The following DOCK1 variants were observed in gnomAD, a reference collection of about 807,000 sequenced individuals.
DOCK1 encodes the protein dedicator of cytokinesis 1.
DOCK1 carries 138 observed loss-of-function variants against 262.7 expected under a neutral mutation model. The ratio of observed to expected loss-of-function variants is 0.53; its 90% CI spans 0.46 to 0.61. The LOEUF (loss-of-function observed/expected upper bound fraction) is 0.61, where lower values mean the gene tolerates loss of function less well. Ranked by LOEUF, DOCK1 falls within the 20% of genes least tolerant of loss-of-function variation. The pLI is 0.00. For synonymous variants in DOCK1, 866 were observed against 867.4 expected, an observed-to-expected ratio of 1.00 and a Z score of 0.03; for missense variants, 1,908 against 2,370.7, an observed-to-expected ratio of 0.80 and a Z score of 4.05.
chr10:127,134,866 G>T (rs565735086), intron 27 of DOCK1, among the ~76,000 whole-genome samples: 1 of 152,090 alleles, frequency 6.6e-6, no homozygotes, highest in South Asian at 2.1e-4. Context: ...CTCCTAGGCC[G>T]TCCAGGTGAG....
At chr10:127,140,664 C>G (rs915507889) in intron 27 of DOCK1, among the ~76,000 whole-genome samples, 1 of 137,936 alleles carries the variant, frequency 7.2e-6, no homozygotes, top group African/African-American at 3.6e-5. Flanking sequence ...TTTGACACAC[C>G]GAGTCTCTGG....
intron 23 of DOCK1, among the ~76,000 whole-genome samples, chr10:127,089,325 GGC>G (rs2047378905): frequency 6.6e-6 from 1 of 152,008 alleles, no homozygotes; most frequent in Non-Finnish European, 1.5e-5. Flanking sequence ...TCTTTCCCAT[GGC>G]CACTCCCTGG....
At chr10:127,038,016 C>G (rs182071326) in intron 19 of DOCK1, among the ~76,000 whole-genome samples, 200 bp downstream of exon 19, 5 of 151,964 alleles carry the variant, frequency 3.3e-5, no homozygotes, top group South Asian at 4.2e-4. Flanking sequence ...GGTGGATCAC[C>G]TGAGGTCAGG....
At chr10:126,944,166 A>G (rs2035222517) in intron 1 of DOCK1, among the ~76,000 whole-genome samples, 1 of 150,302 alleles carries the variant, frequency 6.7e-6, no homozygotes, top group Non-Finnish European at 1.5e-5. Flanking sequence ...TGAGAATATT[A>G]GGAGGATAAG....
intron 24 of DOCK1, among the ~76,000 whole-genome samples, chr10:127,108,658 C>T (rs2048686051): frequency 6.6e-6 from 1 of 152,190 alleles, no homozygotes; most frequent in Non-Finnish European, 1.5e-5. Flanking sequence ...CTCTCCCATG[C>T]CACGAGGGCA....
chr10:127,199,013 C>A (rs549372702), intron 27 of DOCK1, among the ~76,000 whole-genome samples: 14 of 150,582 alleles, frequency 9.3e-5, no homozygotes, highest in African/African-American at 3.4e-4. Context: ...GGGATGTAGG[C>A]ATATTTTTAG....
chr10:127,134,187 T>G (rs2050504150), intron 27 of DOCK1, among the ~76,000 whole-genome samples: 1 of 152,186 alleles, frequency 6.6e-6, no homozygotes. Flanking sequence ...TCTTCACAGT[T>G]TTAATTAAGA....
chr10:127,407,924 C>T (rs1171116649), intron 40 of DOCK1, among the ~76,000 whole-genome samples: 2 of 152,092 alleles, frequency 1.3e-5, no homozygotes, highest in African/African-American at 2.4e-5. Flanking sequence ...GTTGAGACAG[C>T]CCCAGATGGG....
At chr10:127,201,362 C>G (rs1408117393) in intron 27 of DOCK1, among the ~76,000 whole-genome samples, 1 of 152,174 alleles carries the variant, frequency 6.6e-6, no homozygotes, top group Non-Finnish European at 1.5e-5. Flanking sequence ...GGAACCAGAG[C>G]TGTTTCTGAG....
chr10:127,024,194 G>A (rs528846563), intron 14 of DOCK1, among the ~76,000 whole-genome samples: 9 of 152,292 alleles, frequency 5.9e-5, no homozygotes, highest in Middle Eastern at 6.8e-3. Context: ...GAAGCATTAT[G>A]TCTTTCTCTC....
intron 29 of DOCK1, among the ~76,000 whole-genome samples, chr10:127,262,438 C>T (rs930780530): frequency 6.6e-6 from 1 of 152,156 alleles, no homozygotes. Context: ...AGTCAGCCAC[C>T]GAGGAGGCAT....
chr10:127,121,226 CTTTT>C (rs35938133), intron 25 of DOCK1, among the ~76,000 whole-genome samples: 3 of 136,144 alleles, frequency 2.2e-5, no homozygotes, highest in Non-Finnish European at 3.2e-5. Flanking sequence ...ACCCCTCCTC[CTTTT>C]TTTTTTTTTT....
At chr10:127,021,891 T>A (rs2042451392) in intron 13 of DOCK1, among the ~76,000 whole-genome samples, 1 of 151,688 alleles carries the variant, frequency 6.6e-6, no homozygotes, top group South Asian at 2.1e-4. Context: ...CCTTAAGGGA[T>A]CCTTGGTCTT....
At chr10:126,934,747 G>GTTT (rs1166445414) in intron 1 of DOCK1, among the ~76,000 whole-genome samples, 2,747 of 107,314 alleles carry the variant, frequency 0.026, 295 homozygotes, top group African/African-American at 0.1. Context: ...GAATTTACGA[G>GTTT]TTTTTTTTTT....
intron 27 of DOCK1, among the ~76,000 whole-genome samples, chr10:127,151,580 G>T (rs2052488877): frequency 6.6e-6 from 1 of 152,118 alleles, no homozygotes; most frequent in South Asian, 2.1e-4. Flanking sequence ...GGGTCTGCAG[G>T]CTACCGAGGG....
At chr10:126,962,589 G>A (rs1353278436) in intron 1 of DOCK1, among the ~76,000 whole-genome samples, 6 of 152,160 alleles carry the variant, frequency 3.9e-5, no homozygotes, top group African/African-American at 1.4e-4. Context: ...GAACCATGGC[G>A]CCCAGCCCCC....
intron 12 of DOCK1, 152 bp from the exon 13 acceptor site, chr10:127,018,558 G>T: frequency 8.2e-7 from 1 of 1,222,606 alleles, no homozygotes; most frequent in South Asian, 1.4e-5. Context: ...GGCACCTTTT[G>T]CCTTGCCCCT....
chr10:127,252,181 C>T (rs2059674238), intron 28 of DOCK1, among the ~76,000 whole-genome samples: 1 of 136,714 alleles, frequency 7.3e-6, no homozygotes, highest in Non-Finnish European at 1.6e-5. Flanking sequence ...GCATAAATGT[C>T]TTCTTTTGAG....
At chr10:127,061,287 A>G (rs1031026179) in intron 22 of DOCK1, among the ~76,000 whole-genome samples, 2 of 152,116 alleles carry the variant, frequency 1.3e-5, no homozygotes, top group Admixed American at 6.6e-5. Flanking sequence ...CTGCATCTTA[A>G]TAGTGTAATT....
Sources: allele counts gnomAD v4.1 joint callset (sites outside exome capture counted in the v4.1 genomes callset), GRCh38; gene constraint gnomAD v4.1.1; transcripts MANE v1.5; gene names NCBI Gene and HGNC (gene_info 2026-07-23, HGNC 2026-07-21).